Variants in COG2 observed in about 807,000 individuals in gnomAD.
The protein encoded by COG2 is conserved oligomeric Golgi complex subunit 2.
Under a neutral mutation model 90.6 loss-of-function variants are expected in COG2, and 52 were observed. That is an observed-to-expected ratio of 0.57 (90% CI 0.46 to 0.72). The LOEUF (loss-of-function observed/expected upper bound fraction) is 0.72. COG2 is among the 30% of genes least tolerant of loss of function. The pLI is 0.00. For synonymous variants in COG2, 337 were observed against 320.4 expected, an observed-to-expected ratio of 1.05 and a Z score of -0.55; for missense variants, 829 against 891.2, an observed-to-expected ratio of 0.93 and a Z score of 0.89.
At chr1:230,671,463 G>A (rs1056763645) in intron 7 of COG2, 53 bp from the exon 8 acceptor site, 26 of 1,520,586 alleles carry the variant, frequency 1.7e-5, no homozygotes, top group Non-Finnish European at 8.1e-6. Context: ...GAAATAGATC[G>A]TTTGTACTTC....
chr1:230,658,607 G>C (rs1362103671), intron 1 of COG2, among the ~76,000 whole-genome samples: 2 of 152,168 alleles, frequency 1.3e-5, no homozygotes, highest in African/African-American at 4.8e-5. Flanking sequence ...GCTCTCTCTA[G>C]AGCCATCAAG....
At position 230,693,546 on chromosome 1, in the gene COG2, C is replaced by G. The variant is rs890246159; in HGVS notation, c.*153C>G. ...CCAGCAACACGCCCATGCGTCTTCT[C>G]TCAGCGTATTTGGGTCTTCTTTGCC... On this transcript the variant is annotated 3_prime_UTR_variant, in exon 18 of 18. Coordinates refer to ENST00000366669, the MANE Select transcript of COG2 (RefSeq NM_007357.3). 41 of 517,426 alleles carry G rather than the reference C, an allele frequency of 7.9e-5. No individual in the cohort carries two copies. Among genetic ancestry groups the G allele is most frequent in the Non-Finnish European group, 2.1e-5 (6 of 287,138 alleles). The allele number at this position is 517,426 out of a possible 1,614,324, so 32.1% of individuals were successfully genotyped here. A position where few individuals can be genotyped will look rare whatever the true frequency, so the allele number is the denominator to read the frequency against.
chr1:230,657,220 C>T (rs1042586764), intron 1 of COG2, among the ~76,000 whole-genome samples: 4 of 152,118 alleles, frequency 2.6e-5, no homozygotes, highest in South Asian at 4.2e-4. Flanking sequence ...TTCCTTTCTA[C>T]GTTTAGTGCT....
chr1:230,687,063 GCC>G lies in COG2; in HGVS notation c.1510_1511del (p.Pro504CysfsTer35). On this transcript the variant is annotated frameshift_variant, in exon 13 of 18. Transcript: ENST00000366669. LOFTEE classifies it high-confidence loss of function. Reference sequence around the variant, plus strand: ...AAGGAAGTGGTCCTTCGGAAACAAAGCCTGTGGTTTCCATTTCCCGCACTCAG... The same window carrying G: ...AAGGAAGTGGTCCTTCGGAAACAAAGTGTGGTTTCCATTTCCCGCACTCAG... ...DQGSGPSETK[P>X]VVSISRTQLV... 6.2e-7 allele frequency: 1 copy of G among 1,613,198 alleles called. No individual in the cohort carries two copies. Among genetic ancestry groups the G allele is most frequent in the Non-Finnish European group, 8.5e-7 (1 of 1,179,492 alleles).
chr1:230,683,729 T>C (rs1662811980), intron 11 of COG2, 94 bp downstream of exon 11: 2 of 703,414 alleles, frequency 2.8e-6, no homozygotes, highest in African/African-American at 7.5e-5. Flanking sequence ...AGCGTACTTT[T>C]ACTGTTTTTT....
intron 4 of COG2, among the ~76,000 whole-genome samples, chr1:230,663,757 T>C (rs1662246196): frequency 1.3e-5 from 2 of 152,226 alleles, no homozygotes; most frequent in African/African-American, 4.8e-5. Flanking sequence ...TAAATGTCTT[T>C]AATGAATTGG....
intron 8 of COG2, 136 bp downstream of exon 8, chr1:230,671,776 T>G: frequency 3.8e-6 from 3 of 796,460 alleles, no homozygotes; most frequent in Non-Finnish European, 5.8e-6. Flanking sequence ...GTTATTTCAT[T>G]GTTTCTACTG....
chr1:230,658,912 A>G (rs1244398512), intron 1 of COG2, among the ~76,000 whole-genome samples: 2 of 152,222 alleles, frequency 1.3e-5, no homozygotes, highest in Non-Finnish European at 2.9e-5. Context: ...TTGTATTGTT[A>G]TATGGGGAAA....
intron 12 of COG2, among the ~76,000 whole-genome samples, chr1:230,686,292 GT>G (rs1398259101): frequency 6.6e-6 from 1 of 152,192 alleles, no homozygotes; most frequent in Non-Finnish European, 1.5e-5. Context: ...GCTGTCAGCT[GT>G]TTCTGAAGAC....
rs775265312 is a variant in COG2, at chr1:230,690,052, T to C, written c.1833T>C (p.Ala611=). Residue 611 remains alanine (A), a synonymous_variant, in exon 16 of 18, where the codon GCT becomes GCC. Coordinates refer to ENST00000366669, the MANE Select transcript of COG2 (RefSeq NM_007357.3). ...CAGCTTCCTCCTATGTGGACAGTGC[T>C]CTGAAGCCCTTATTCCAGCTTCAGA... ...PTTASSYVDS[A]LKPLFQLQSG... is the part of the protein sequence containing the mutation. The C allele has an allele frequency of 1.2e-6, 2 of 1,613,040 alleles. No individual in the cohort carries two copies. Among genetic ancestry groups the C allele is most frequent in the Non-Finnish European group, 1.7e-6 (2 of 1,179,510 alleles).
intron 1 of COG2, among the ~76,000 whole-genome samples, chr1:230,643,969 T>G (rs1461856912): frequency 6.6e-6 from 1 of 152,168 alleles, no homozygotes; most frequent in Non-Finnish European, 1.5e-5. Flanking sequence ...ATCAGGGGCC[T>G]TGTTGACGTC....
chr1:230,663,747 T>C (rs1239965130), intron 4 of COG2, among the ~76,000 whole-genome samples: 1 of 152,262 alleles, frequency 6.6e-6, no homozygotes, highest in Non-Finnish European at 1.5e-5. Context: ...CCTTGTGTAA[T>C]AAATGTCTTT....
chr1:230,644,731 A>G (rs1024327602), intron 1 of COG2, among the ~76,000 whole-genome samples: 10 of 152,198 alleles, frequency 6.6e-5, no homozygotes, highest in South Asian at 6.2e-4. Flanking sequence ...GCAGGTTTCA[A>G]TGGGCCTTGT....
intron 1 of COG2, among the ~76,000 whole-genome samples, chr1:230,647,594 G>A (rs1027553860): frequency 1.3e-5 from 2 of 152,058 alleles, no homozygotes; most frequent in Non-Finnish European, 2.9e-5. Context: ...TTATGTTTCT[G>A]TGAATAAAGA....
At chr1:230,687,156 T>C (rs1329088326) in intron 13 of COG2, 24 bp downstream of exon 13, 1 of 1,590,542 alleles carries the variant, frequency 6.3e-7, no homozygotes, top group South Asian at 1.1e-5. Context: ...CCAGAATAAT[T>C]CCAGGTGCTT....
At chr1:230,655,277 T>C (rs1662021619) in intron 1 of COG2, among the ~76,000 whole-genome samples, 1 of 152,224 alleles carries the variant, frequency 6.6e-6, no homozygotes, top group Non-Finnish European at 1.5e-5. Flanking sequence ...GTTCCATCAG[T>C]ACCTAGTTTA....
At chr1:230,678,408 G>A (rs944972710) in intron 9 of COG2, 3 of 985,270 alleles carry the variant, frequency 3.0e-6, no homozygotes, top group African/African-American at 1.7e-5. Flanking sequence ...TAAATGCTAC[G>A]AGTTAGCTGC....
intron 1 of COG2, among the ~76,000 whole-genome samples, chr1:230,658,247 G>A (rs1385840925): frequency 6.6e-6 from 1 of 152,070 alleles, no homozygotes; most frequent in African/African-American, 2.4e-5. Context: ...TTTGGATGGA[G>A]TCTTTGAGTG....
At chr1:230,680,445 G>A (rs1428645861) in intron 10 of COG2, 1 of 149,116 alleles carries the variant, frequency 6.7e-6, no homozygotes, top group East Asian at 2.0e-4. Flanking sequence ...AGCTCCCATG[G>A]GCTATTTCAG....
Sources: allele counts gnomAD v4.1 joint callset (sites outside exome capture counted in the v4.1 genomes callset), GRCh38; gene constraint gnomAD v4.1.1; transcripts MANE v1.5; gene names NCBI Gene and HGNC (gene_info 2026-07-23, HGNC 2026-07-21).